WWOX: variants seen among roughly 807,000 people sequenced by gnomAD.
The protein encoded by WWOX is WW domain-containing oxidoreductase.
In WWOX, 69 loss-of-function variants were observed where a neutral mutation model predicts 46.2. The ratio of observed to expected loss-of-function variants is 1.49; its 90% CI spans 1.23 to 1.82. The LOEUF (loss-of-function observed/expected upper bound fraction) is 1.82, where lower values mean the gene tolerates loss of function less well. Ranked by LOEUF, WWOX falls within the 40% of genes most tolerant of loss-of-function variation. WWOX has a pLI of 0.00. For missense variants in WWOX, 919 were observed against 542.6 expected, an observed-to-expected ratio of 1.69 and a Z score of -6.89; for synonymous variants, 359 against 202.6, an observed-to-expected ratio of 1.77 and a Z score of -6.56.
intron 8 of WWOX, among the ~76,000 whole-genome samples, chr16:78,742,515 A>T (rs576175721): frequency 2.6e-5 from 4 of 152,224 alleles, no homozygotes; most frequent in African/African-American, 9.6e-5. Context: ...GGTATGTACT[A>T]GGTGCCCTAG....
intron 8 of WWOX, among the ~76,000 whole-genome samples, chr16:78,724,987 G>T (rs916562665): frequency 2.6e-5 from 4 of 152,084 alleles, no homozygotes; most frequent in South Asian, 4.1e-4. Flanking sequence ...TTGGTGATAT[G>T]GTTTGGCTGT....
intron 4 of WWOX, among the ~76,000 whole-genome samples, chr16:78,116,500 A>T (rs2032797604): frequency 6.6e-6 from 1 of 152,208 alleles, no homozygotes; most frequent in Non-Finnish European, 1.5e-5. Context: ...AAGAATTGAA[A>T]GGATTTTATT....
At chr16:79,032,184 C>G (rs2047775422) in intron 8 of WWOX, among the ~76,000 whole-genome samples, 1 of 143,762 alleles carries the variant, frequency 7.0e-6, no homozygotes, top group African/African-American at 2.5e-5. Context: ...TGTCATTGCC[C>G]CCACCAAATA....
intron 8 of WWOX, among the ~76,000 whole-genome samples, chr16:78,965,103 A>G (rs1336637730): frequency 3.3e-5 from 5 of 152,228 alleles, no homozygotes; most frequent in South Asian, 2.1e-4. Context: ...AGGGAAATGT[A>G]GGGCTGGAGC....
chr16:78,370,685 C>G lies in WWOX; in HGVS notation c.517-16175C>G, dbSNP rs143953320. Among the ~76,000 whole-genome samples the G allele has an allele frequency of 2.6e-3, 387 of 150,928 alleles. 1 individual carries two copies. The highest frequency in any genetic ancestry group is 4.7e-3 in the Non-Finnish European group (317 of 67,794). ...ACATCTAAGTTTCCATTCCTTATAA[C>G]TGATTATTTTTCTTGGGATCAATTC... On this transcript the variant is annotated intron_variant, in intron 5 of 8. Transcript: ENST00000566780.
intron 8 of WWOX, among the ~76,000 whole-genome samples, chr16:78,817,006 C>T (rs1399210956): frequency 6.6e-6 from 1 of 152,018 alleles, no homozygotes; most frequent in Non-Finnish European, 1.5e-5. Flanking sequence ...CCTGACTTGG[C>T]TTGGGTTCTG....
At chr16:78,545,192 C>T (rs771015664) in intron 8 of WWOX, among the ~76,000 whole-genome samples, 4 of 152,124 alleles carry the variant, frequency 2.6e-5, no homozygotes, top group Non-Finnish European at 5.9e-5. Context: ...ACCACTGTGG[C>T]CAGGGAGTGA....
chr16:78,963,655 A>G (rs981799530), intron 8 of WWOX, among the ~76,000 whole-genome samples: 1 of 152,194 alleles, frequency 6.6e-6, no homozygotes, highest in Non-Finnish European at 1.5e-5. Flanking sequence ...TAAGGCTATT[A>G]AGAGCCAACA....
intron 8 of WWOX, among the ~76,000 whole-genome samples, chr16:78,939,355 T>G (rs1470595710): frequency 6.6e-6 from 1 of 152,202 alleles, no homozygotes; most frequent in Non-Finnish European, 1.5e-5. Context: ...GCCCAATGAC[T>G]CTACAATTGC....
chr16:78,761,185 T>C (rs1363604489), intron 8 of WWOX, among the ~76,000 whole-genome samples: 2 of 152,182 alleles, frequency 1.3e-5, no homozygotes, highest in African/African-American at 4.8e-5. Context: ...CTATTGCATT[T>C]TCTTTTTCTT....
chr16:78,738,553 T>G (rs1352218680), intron 8 of WWOX, among the ~76,000 whole-genome samples: 12 of 152,358 alleles, frequency 7.9e-5, no homozygotes, highest in Non-Finnish European at 1.6e-4. Flanking sequence ...TTCTCACTTT[T>G]ATTAGAAGAG....
intron 8 of WWOX, among the ~76,000 whole-genome samples, chr16:78,556,705 A>G (rs1314794604): frequency 6.6e-6 from 1 of 151,990 alleles, no homozygotes. Flanking sequence ...CGGCAAACAC[A>G]TTTTTTATTT....
intron 8 of WWOX, among the ~76,000 whole-genome samples, chr16:78,862,328 C>G (rs2043906469): frequency 7.0e-6 from 1 of 143,384 alleles, no homozygotes; most frequent in Non-Finnish European, 1.5e-5. Flanking sequence ...CTTTCTATAT[C>G]TATACATTAT....
chr16:78,596,435 T>G (rs1597324134), intron 8 of WWOX, among the ~76,000 whole-genome samples: 1 of 149,998 alleles, frequency 6.7e-6, no homozygotes. Context: ...CAGGCTGCTG[T>G]GGCAACCCAC....
chr16:78,692,438 G>A (rs530418670), intron 8 of WWOX, among the ~76,000 whole-genome samples: 50 of 152,264 alleles, frequency 3.3e-4, no homozygotes, highest in African/African-American at 1.1e-3. Flanking sequence ...CCATTTACAA[G>A]GAATTACAGA....
At chr16:78,114,243 G>A (rs1567578297) in intron 3 of WWOX, among the ~76,000 whole-genome samples, 1 of 151,970 alleles carries the variant, frequency 6.6e-6, no homozygotes, top group Non-Finnish European at 1.5e-5. Flanking sequence ...TGCGACTACA[G>A]GCGTGTGCTA....
At chr16:78,216,478 A>G (rs2036725395) in intron 5 of WWOX, among the ~76,000 whole-genome samples, 1 of 152,082 alleles carries the variant, frequency 6.6e-6, no homozygotes, top group Non-Finnish European at 1.5e-5. Flanking sequence ...CTTGGGCTAA[A>G]ATGTAGTTGT....
chr16:79,040,476 A>G (rs1184526849), intron 8 of WWOX, among the ~76,000 whole-genome samples: 1 of 151,854 alleles, frequency 6.6e-6, no homozygotes, highest in Non-Finnish European at 1.5e-5. Flanking sequence ...AGCCTTCACT[A>G]TGTTGCCCAG....
At chr16:78,995,150 T>C (rs1342533379) in intron 8 of WWOX, among the ~76,000 whole-genome samples, 1 of 152,090 alleles carries the variant, frequency 6.6e-6, no homozygotes, top group Non-Finnish European at 1.5e-5. Flanking sequence ...GTGACTTAGC[T>C]GGCTGGGAAG....
Sources: allele counts gnomAD v4.1 joint callset (sites outside exome capture counted in the v4.1 genomes callset), GRCh38; gene constraint gnomAD v4.1.1; transcripts MANE v1.5; gene names NCBI Gene and HGNC (gene_info 2026-07-23, HGNC 2026-07-21).